Variants in DACT2 observed in about 807,000 individuals in gnomAD.
DACT2 encodes the protein dapper homolog 2.
A neutral mutation model predicts 22.2 loss-of-function variants in DACT2; 20 were observed. The ratio of observed to expected loss-of-function variants is 0.90; its 90% CI spans 0.63 to 1.31. The LOEUF (loss-of-function observed/expected upper bound fraction) is 1.31. Among genes scored for constraint, DACT2 ranks in the 50% most tolerant of loss-of-function variants. The probability of loss-of-function intolerance (pLI) is 0.00; values close to 1 mark genes in which losing one functional copy is unlikely to be tolerated. For synonymous variants in DACT2, 463 were observed against 479.8 expected (o/e 0.96, Z 0.46); for missense variants, 1,048 against 1,061.4 (o/e 0.99, Z 0.18).
At position 168,293,819 on chromosome 6, in the gene DACT2, G is replaced by A; in HGVS notation, c.*75C>T. Reference sequence around the variant, plus strand: ...CCGATGATATCGGGAGAAGAAGCTGGGCCTGTGGCCAGGACCCGACTTCCA... The same window carrying A: ...CCGATGATATCGGGAGAAGAAGCTGAGCCTGTGGCCAGGACCCGACTTCCA... On this transcript the variant is annotated 3_prime_UTR_variant, in exon 6 of 6. Coordinates refer to the DACT2 transcript ENST00000366796. The A allele has an allele frequency of 5.7e-6, 4 of 701,452 alleles. 1 individual carries two copies. The South Asian group carries it at 5.9e-5, about 10-fold the overall frequency. 43.5% of individuals were successfully genotyped at this position (701,452 alleles called of 1,614,324 possible). A position where few individuals can be genotyped will look rare whatever the true frequency, so the allele number is the denominator to read the frequency against.
At chr6:168,301,556 G>C (rs1312144274) in intron 3 of DACT2, among the ~76,000 whole-genome samples, 1 of 152,214 alleles carries the variant, frequency 6.6e-6, no homozygotes, top group Non-Finnish European at 1.5e-5. Flanking sequence ...GCCAAGACTT[G>C]ATCAGTCCTG....
chr6:168,311,957 G>C (rs368845969), intron 1 of DACT2, among the ~76,000 whole-genome samples: 4 of 152,160 alleles, frequency 2.6e-5, no homozygotes, highest in African/African-American at 9.7e-5. Flanking sequence ...GGCCGCCTCT[G>C]GGTCCTTGGT....
At chr6:168,318,787 C>T (rs952290298) in intron 1 of DACT2, among the ~76,000 whole-genome samples, 4 of 152,122 alleles carry the variant, frequency 2.6e-5, no homozygotes, top group Admixed American at 6.5e-5. Context: ...GAGGACACGC[C>T]TCTCCTTACA....
In DACT2 at chr6:168,308,700, C is replaced by A. The variant is rs1292490658; in HGVS notation, c.1057G>T (p.Glu353Ter). The A allele has an allele frequency of 6.5e-7, 1 of 1,547,908 alleles. No homozygotes were observed. Among genetic ancestry groups the A allele is most frequent in the Non-Finnish European group, 8.7e-7 (1 of 1,146,852 alleles). Residue 353 changes from glutamate to a stop codon, truncating the protein, a stop_gained, in exon 4 of 4, where the codon GAA becomes TAA. Transcript: ENST00000366795. LOFTEE classifies it low-confidence loss of function (END_TRUNC). The stretch of plus-strand genomic sequence containing the variant: ...GCTGCATGCCTTAGAGGTCCCTGTT[C>A]TCCCTCGCTACCCTTTGCTGGGGTC... ...RETPAKGSEG[E>*]QGPLRHAASP...
chr6:168,296,017 C>T (rs1779001577), intron 3 of DACT2, among the ~76,000 whole-genome samples: 1 of 150,790 alleles, frequency 6.6e-6, no homozygotes, highest in Non-Finnish European at 1.5e-5. Context: ...TCATGGAGGA[C>T]AGACACCCGG....
intron 3 of DACT2, 146 bp downstream of exon 3, chr6:168,310,022 G>T: frequency 7.9e-7 from 1 of 1,261,598 alleles, no homozygotes; most frequent in Non-Finnish European, 1.1e-6. Context: ...ACCACCACGT[G>T]GCCCACGGAG....
chr6:168,312,569 T>C (rs1779447955), intron 1 of DACT2, among the ~76,000 whole-genome samples: 1 of 152,198 alleles, frequency 6.6e-6, no homozygotes, highest in Admixed American at 6.5e-5. Context: ...CTTCCCCCAC[T>C]CTAAAGGGTT....
At chr6:168,318,950 C>T (rs1483866265) in intron 1 of DACT2, among the ~76,000 whole-genome samples, 1 of 138,126 alleles carries the variant, frequency 7.2e-6, no homozygotes, top group South Asian at 2.5e-4. Flanking sequence ...TGCCCCTAAC[C>T]CAAGACAGCA....
chr6:168,310,933 A>C (rs1779381894), intron 2 of DACT2, among the ~76,000 whole-genome samples: 1 of 152,230 alleles, frequency 6.6e-6, no homozygotes, highest in South Asian at 2.1e-4. Flanking sequence ...AAATTAAAAA[A>C]ATAAGAGCGA....
In DACT2 at chr6:168,308,893, C is replaced by T. The variant is rs768553866; in HGVS notation, c.864G>A (p.Leu288=). ...GTGGGGTTTCCTTAGTCAGGACAAA[C>T]AGGGGGCTCTGTAGAGCCACGGCGT... ...PLHAVALQSP[L]FVLTKETPQR... is the part of the protein sequence containing the mutation. Residue 288 remains leucine (L), a synonymous_variant, in exon 4 of 4, where the codon CTG becomes CTA. Coordinates refer to ENST00000366795, the MANE Select transcript of DACT2 (RefSeq NM_214462.5). The T allele has an allele frequency of 2.6e-6, 4 of 1,550,910 alleles. No individual in the cohort carries two copies. The South Asian group carries it at 4.8e-5, about 18-fold the overall frequency.
At chr6:168,296,665 G>A (rs569096072) in intron 3 of DACT2, among the ~76,000 whole-genome samples, 24 of 152,314 alleles carry the variant, frequency 1.6e-4, no homozygotes, top group African/African-American at 5.1e-4. Flanking sequence ...CAAGTATCAC[G>A]GGCACCTCCA....
In DACT2 at chr6:168,295,661, C is replaced by T. The variant is rs535094336; in HGVS notation, c.659-957G>A. 3.9e-5 allele frequency among the ~76,000 whole-genome samples: 6 copies of T among 152,212 alleles called. No individual in the cohort carries two copies. In the South Asian group the frequency reaches 1.2e-3, roughly 32 times the overall value. ...TTGTTATGAAGATCGTCATAATCTCCCAAGTCAGCCTATAAATATAAATGC... is the reference window on the plus strand; with the variant it reads ...TTGTTATGAAGATCGTCATAATCTCTCAAGTCAGCCTATAAATATAAATGC... On this transcript the variant is annotated intron_variant, in intron 3 of 5. Transcript: ENST00000366796.
chr6:168,304,283 G>A (rs1439444823), downstream of DACT2, among the ~76,000 whole-genome samples: 3 of 152,206 alleles, frequency 2.0e-5, no homozygotes, highest in Non-Finnish European at 4.4e-5. Context: ...CAGAACATAA[G>A]ACATTCAGGA....
At chr6:168,300,900 C>T (rs533639080) in intron 3 of DACT2, among the ~76,000 whole-genome samples, 14 of 152,192 alleles carry the variant, frequency 9.2e-5, no homozygotes, top group African/African-American at 1.7e-4. Flanking sequence ...GCTGGAGAAT[C>T]GCTTGAACCT....
At position 168,319,526 on chromosome 6, in the gene DACT2, T is replaced by C; in HGVS notation, c.108A>G (p.Arg36=). 1 of 1,363,788 alleles carries C rather than the reference T, an allele frequency of 7.3e-7. No homozygotes were observed. The highest frequency in any genetic ancestry group is 1.5e-5 in the African/African-American group (1 of 66,386). The allele number at this position is 1,363,788 out of a possible 1,614,324, so 84.5% of individuals were successfully genotyped here. A position where few individuals can be genotyped will look rare whatever the true frequency, so the allele number is the denominator to read the frequency against. ...CCCGTACCCGCTCCTGCTGCGTGGCTCGCAGCCCCTGCAGCTCCTGCAGCC... is the reference window on the plus strand; with the variant it reads ...CCCGTACCCGCTCCTGCTGCGTGGCCCGCAGCCCCTGCAGCTCCTGCAGCC... The part of the protein sequence containing the change: ...FAGLQELQGL[R]ATQQERVRGA... Residue 36 remains arginine (R), a synonymous_variant, in exon 1 of 4, where the codon CGA becomes CGG. Coordinates refer to ENST00000366795, the MANE Select transcript of DACT2 (RefSeq NM_214462.5).
chr6:168,300,843 A>G (rs112490268), intron 3 of DACT2, among the ~76,000 whole-genome samples: 3,161 of 152,096 alleles, frequency 0.021, 98 homozygotes, highest in African/African-American at 0.071. Flanking sequence ...AAAATTAGCC[A>G]GGCGTGGTGG....
downstream of DACT2, among the ~76,000 whole-genome samples, chr6:168,305,678 G>A (rs181975522): frequency 3.2e-4 from 49 of 152,274 alleles, no homozygotes; most frequent in Middle Eastern, 3.4e-3. Context: ...CTCAGGCTAC[G>A]GGGCTGTCGT....
chr6:168,294,829 G>A, intron 3 of DACT2: 1 of 391,708 alleles, frequency 2.6e-6, no homozygotes, highest in Non-Finnish European at 4.4e-6. Flanking sequence ...CTGGCATGCA[G>A]TATAAAGACA....
At chr6:168,305,810 G>A (rs985219256), downstream of DACT2, among the ~76,000 whole-genome samples, 1 of 152,198 alleles carries the variant, frequency 6.6e-6, no homozygotes, top group African/African-American at 2.4e-5. Context: ...GAGTGGGTTT[G>A]AATCATCCTT....
Sources: allele counts gnomAD v4.1 joint callset (sites outside exome capture counted in the v4.1 genomes callset), GRCh38; gene constraint gnomAD v4.1.1; transcripts MANE v1.5; gene names NCBI Gene and HGNC (gene_info 2026-07-23, HGNC 2026-07-21).